DOCK3: variants seen among roughly 807,000 people sequenced by gnomAD.
DOCK3 encodes dedicator of cytokinesis protein 3.
In DOCK3, 60 loss-of-function variants were observed where a neutral mutation model predicts 265.6. That is an observed-to-expected ratio of 0.23 (90% CI 0.18 to 0.28). The LOEUF (loss-of-function observed/expected upper bound fraction) is 0.28, where lower values mean the gene tolerates loss of function less well. Ranked by LOEUF, DOCK3 falls within the 10% of genes least tolerant of loss-of-function variation. The pLI, the probability that DOCK3 is intolerant of heterozygous loss-of-function variation, is 1.00. For synonymous variants in DOCK3, 881 were observed against 938.0 expected (o/e 0.94, Z 1.11); for missense variants, 1,981 against 2,594.3 (o/e 0.76, Z 5.14).
intron 7 of DOCK3, among the ~76,000 whole-genome samples, chr3:51,083,512 G>C (rs996264723): frequency 2.0e-5 from 3 of 152,088 alleles, no homozygotes; most frequent in Admixed American, 1.3e-4. Context: ...AGCTCAGTGA[G>C]ATACAAGAGA....
chr3:51,342,814 C>G (rs2085325516), intron 38 of DOCK3, among the ~76,000 whole-genome samples: 1 of 152,188 alleles, frequency 6.6e-6, no homozygotes, highest in Non-Finnish European at 1.5e-5. Context: ...GAGAGAAGGA[C>G]TAGGAGGCTC....
chr3:50,993,558 C>G (rs1339704361), intron 5 of DOCK3, among the ~76,000 whole-genome samples: 2 of 152,210 alleles, frequency 1.3e-5, no homozygotes, highest in Non-Finnish European at 2.9e-5. Context: ...CTCTGCACCC[C>G]CAGCATGGTC....
At chr3:50,927,021 C>T (rs1435682200) in intron 4 of DOCK3, among the ~76,000 whole-genome samples, 1 of 152,220 alleles carries the variant, frequency 6.6e-6, no homozygotes, top group Non-Finnish European at 1.5e-5. Context: ...CTTACAAAGG[C>T]TTACAAGTTT....
At chr3:51,148,369 G>C (rs1244201534) in intron 10 of DOCK3, among the ~76,000 whole-genome samples, 1 of 152,102 alleles carries the variant, frequency 6.6e-6, no homozygotes, top group African/African-American at 2.4e-5. Context: ...TGTCAATTTT[G>C]GCTTTTGTTG....
rs543538335 is a variant in DOCK3 at position 51,364,507 on chromosome 3, T to C, written c.5293+1833T>C. On this transcript the variant is annotated intron_variant, in intron 49 of 52. Transcript: ENST00000266037. ...CTTTAGTTTAGATCCCATTTGTCAATTTTGGCTTTTGTTGCCATTGCTTTT... is the reference window on the plus strand; with the variant it reads ...CTTTAGTTTAGATCCCATTTGTCAACTTTGGCTTTTGTTGCCATTGCTTTT... Among the ~76,000 whole-genome samples the C allele has an allele frequency of 1.3e-4, 20 of 152,356 alleles. No homozygotes were observed. The South Asian group carries it at 3.5e-3, about 27-fold the overall frequency.
In DOCK3 at chr3:51,314,909, G is replaced by A. The variant is rs1178268173; in HGVS notation, c.3254-71G>A. The A allele has an allele frequency of 1.5e-5, 22 of 1,493,918 alleles. No individual in the cohort carries two copies. The African/African-American group carries it at 1.5e-4, about 10-fold the overall frequency. 92.5% of individuals were successfully genotyped at this position (1,493,918 alleles called of 1,614,324 possible). ...TCCAGTATGGATTGTAGCATGTGTTGTGGCCCCATTTGGGAATCTTCCATG... is the reference window on the plus strand; with the variant it reads ...TCCAGTATGGATTGTAGCATGTGTTATGGCCCCATTTGGGAATCTTCCATG... On this transcript the variant is annotated intron_variant, in intron 31 of 52. Transcript: ENST00000266037.
At position 51,146,072 on chromosome 3, in the gene DOCK3, G is replaced by A. The variant is rs112956130; in HGVS notation, c.747-477G>A. On this transcript the variant is annotated intron_variant, in intron 9 of 52. Coordinates refer to ENST00000266037, the MANE Select transcript of DOCK3 (RefSeq NM_004947.5). Reference sequence around the variant, plus strand: ...CCAGTTCCTCACAGGCCACAGGCCCGTAGCAGTCTGCAGCCCAGGGTTGGG... The same window carrying A: ...CCAGTTCCTCACAGGCCACAGGCCCATAGCAGTCTGCAGCCCAGGGTTGGG... 7.2e-5 allele frequency among the ~76,000 whole-genome samples: 11 copies of A among 152,320 alleles called. 2 individuals are homozygous for A. The highest frequency in any genetic ancestry group is 2.1e-4 in the South Asian group (1 of 4,826).
At chr3:51,270,671 G>C (rs1442491175) in intron 23 of DOCK3, 144 bp from the exon 24 acceptor site, 2 of 770,090 alleles carry the variant, frequency 2.6e-6, no homozygotes, top group Non-Finnish European at 4.0e-6. Flanking sequence ...GAGTGCTGTA[G>C]TCAGTGGCCA....
chr3:51,046,541 A>G (rs1024509138), intron 5 of DOCK3, among the ~76,000 whole-genome samples: 7 of 152,226 alleles, frequency 4.6e-5, no homozygotes, highest in African/African-American at 1.4e-4. Context: ...AGGAAGATAG[A>G]ACAATTATAA....
chr3:50,977,344 G>A (rs1268552665), intron 5 of DOCK3, among the ~76,000 whole-genome samples: 2 of 151,966 alleles, frequency 1.3e-5, no homozygotes, highest in African/African-American at 4.8e-5. Context: ...GCCTGGTGGT[G>A]ACAAAATCTC....
intron 3 of DOCK3, among the ~76,000 whole-genome samples, chr3:50,854,592 G>GTTTTTTTGTTTT (rs2046496939): frequency 2.1e-5 from 1 of 47,214 alleles, no homozygotes; most frequent in African/African-American, 8.5e-5. Context: ...CATCACACCA[G>GTTTTTTTGTTTT]TTTTTTTTTT....
intron 5 of DOCK3, among the ~76,000 whole-genome samples, chr3:51,027,729 A>G (rs1005775208): frequency 2.6e-5 from 4 of 151,996 alleles, no homozygotes; most frequent in Non-Finnish European, 4.4e-5. Flanking sequence ...TTGGTTTAAC[A>G]TCTGTTGTAT....
chr3:50,681,439 T>C (rs1216011491), intron 1 of DOCK3, among the ~76,000 whole-genome samples: 1 of 152,226 alleles, frequency 6.6e-6, no homozygotes, highest in Non-Finnish European at 1.5e-5. Context: ...GGGTATGCTA[T>C]ATTAGGATTT....
At chr3:51,166,647 C>T (rs2086422746) in intron 12 of DOCK3, among the ~76,000 whole-genome samples, 1 of 152,164 alleles carries the variant, frequency 6.6e-6, no homozygotes, top group African/African-American at 2.4e-5. Context: ...TTTGTGATTA[C>T]AGCCATCCTA....
intron 22 of DOCK3, among the ~76,000 whole-genome samples, chr3:51,249,530 C>T (rs1206205416): frequency 7.2e-5 from 7 of 97,480 alleles, no homozygotes; most frequent in Admixed American, 4.4e-4. Context: ...CCCGGCCAGC[C>T]GCCCGGTCCG....
intron 5 of DOCK3, among the ~76,000 whole-genome samples, chr3:50,962,702 G>A (rs1328226889): frequency 2.3e-5 from 2 of 85,242 alleles, no homozygotes; most frequent in South Asian, 5.9e-4. Flanking sequence ...ATTACTAATG[G>A]CTAGGACTCT....
At chr3:50,921,809 G>T (rs1359219745) in intron 4 of DOCK3, among the ~76,000 whole-genome samples, 1 of 152,172 alleles carries the variant, frequency 6.6e-6, no homozygotes, top group African/African-American at 2.4e-5. Context: ...GTTGGAGTTT[G>T]CTGGAGGTCC....
At chr3:50,903,736 A>T (rs1385511433) in intron 4 of DOCK3, among the ~76,000 whole-genome samples, 1 of 152,008 alleles carries the variant, frequency 6.6e-6, no homozygotes, top group South Asian at 2.1e-4. Flanking sequence ...TTTTAGTAGA[A>T]ATGGTACCAG....
intron 35 of DOCK3, among the ~76,000 whole-genome samples, chr3:51,336,275 AAGATTCTCACTGGTAGTAACTATATT>A: frequency 6.6e-6 from 1 of 152,186 alleles, no homozygotes; most frequent in South Asian, 2.1e-4. Flanking sequence ...GTCAGACATG[AAGATTCTCACTGGTAGTAACTATATT>A]TCCCAGGTTA....
Sources: gnomAD v4.1 joint callset for allele counts (sites outside exome capture counted in the v4.1 genomes callset) on GRCh38, gnomAD v4.1.1 for gene constraint, MANE v1.5 for transcripts, NCBI Gene and HGNC (gene_info 2026-07-23, HGNC 2026-07-21) for gene names.